The following SLCO5A1 variants were observed in gnomAD, a reference collection of about 807,000 sequenced individuals.
SLCO5A1 encodes the protein organic anion transporter polypeptide-related protein 4.
A neutral mutation model predicts 65.1 loss-of-function variants in SLCO5A1; 39 were observed. The observed-to-expected ratio is 0.60, with a 90% CI of 0.46 to 0.78. The LOEUF is 0.78. Among genes scored for constraint, SLCO5A1 ranks in the 30% least tolerant of loss-of-function variants. SLCO5A1 has a pLI of 0.00. For missense variants in SLCO5A1, 1,029 were observed against 1,069.4 expected (o/e 0.96, Z 0.53); for synonymous variants, 438 against 415.7 (o/e 1.05, Z -0.65).
At chr8:69,758,186 A>T (rs938704925) in intron 3 of SLCO5A1, among the ~76,000 whole-genome samples, 1 of 152,038 alleles carries the variant, frequency 6.6e-6, no homozygotes, top group Non-Finnish European at 1.5e-5. Context: ...TTATTTATTT[A>T]TCTTGATTTT....
At position 69,832,761 on chromosome 8, in the gene SLCO5A1, C is replaced by A; in HGVS notation, c.-88G>T. 6.8e-7 allele frequency: 1 copy of A among 1,460,104 alleles called. No homozygotes were observed. The highest frequency in any genetic ancestry group is 9.1e-7 in the Non-Finnish European group (1 of 1,099,912). The allele number at this position is 1,460,104 out of a possible 1,614,324, so 90.4% of individuals were successfully genotyped here. On this transcript the variant is annotated 5_prime_UTR_variant, in exon 2 of 10. Transcript: ENST00000260126. The surrounding 1 kb of genome is among the most constrained non-coding windows in gnomAD (Gnocchi z 4.5). ...CGGCACGAGGGGCCGAAGCCGGGCC[C>A]AGTCAGTCTTGCCCACCTGGGACTG...
At position 69,742,794 on chromosome 8, in the gene SLCO5A1, C is replaced by CTTTTTTTTTTTT. The variant is rs10633803; in HGVS notation, c.1259-4602_1259-4591dup. Among the ~76,000 whole-genome samples the CTTTTTTTTTTTT allele has an allele frequency of 1.7e-4, 14 of 83,194 alleles. 1 individual carries two copies. The highest frequency in any genetic ancestry group is 6.3e-4 in the African/African-American group (13 of 20,522). 54.6% of individuals were successfully genotyped at this position (83,194 alleles called of 152,430 possible). ...CTGAGATAGGTGGTGTGAGTGGATT[C>CTTTTTTTTTTTT]TTTTTTTTTTTTTTTTTTTTTTTTG... is the stretch of plus-strand genomic sequence containing the variant. On this transcript the variant is annotated intron_variant, in intron 4 of 9. Coordinates refer to ENST00000260126, the MANE Select transcript of SLCO5A1 (RefSeq NM_030958.3).
chr8:69,705,221 T>C lies in SLCO5A1; in HGVS notation c.1432A>G (p.Ile478Val), dbSNP rs1170196216. 1.9e-6 allele frequency: 3 copies of C among 1,613,908 alleles called. No individual in the cohort carries two copies. Among genetic ancestry groups the C allele is most frequent in the African/African-American group, 1.3e-5 (1 of 74,900 alleles). ...SNASIYTGVI[I>V]VPSAGVGIVL... The stretch of plus-strand genomic sequence containing the variant: ...ATACCAACACCAGCACTGGGGACGA[T>C]AATAACCCCTGGGGAGAAGAGAAGG... Residue 478 changes from isoleucine (I) to valine (V), a missense_variant, in exon 6 of 10, where the codon ATC (isoleucine) becomes GTC (valine). Coordinates refer to ENST00000260126, the MANE Select transcript of SLCO5A1 (RefSeq NM_030958.3).
At chr8:69,826,522 A>C (rs1820923507) in intron 2 of SLCO5A1, among the ~76,000 whole-genome samples, 2 of 152,252 alleles carry the variant, frequency 1.3e-5, no homozygotes, top group South Asian at 4.1e-4. Flanking sequence ...CAAAAAACAC[A>C]CGAAAAAATG....
rs1813317277 is a variant in SLCO5A1, at chr8:69,671,111, C to T, written c.*1758G>A. ...CAGGAACCAGAGGGAAGTCCTTAGC[C>T]CCTGAGACCACTAGCTCCACCCCTT... On this transcript the variant is annotated 3_prime_UTR_variant, in exon 10 of 10. Transcript: ENST00000260126. 1 of 152,200 alleles carries T rather than the reference C, an allele frequency of 6.6e-6. No individual in the cohort carries two copies. The highest frequency in any genetic ancestry group is 1.5e-5 in the Non-Finnish European group (1 of 68,120). The allele number at this position is 152,200 out of a possible 1,614,324, so 9.4% of individuals were successfully genotyped here.
chr8:69,784,840 A>G (rs561878336), intron 2 of SLCO5A1, among the ~76,000 whole-genome samples: 5 of 147,802 alleles, frequency 3.4e-5, no homozygotes, highest in Admixed American at 6.9e-5. Context: ...AGAAAGAAAG[A>G]AAGAAAGAAA....
intron 2 of SLCO5A1, among the ~76,000 whole-genome samples, chr8:69,801,187 C>A (rs1338128948): frequency 6.6e-6 from 1 of 152,184 alleles, no homozygotes; most frequent in African/African-American, 2.4e-5. Context: ...ACCCTCAGGT[C>A]CCAGCCACAC....
chr8:69,742,794 CTTTTTTT>C (rs10633803), intron 4 of SLCO5A1, among the ~76,000 whole-genome samples: 2,708 of 83,184 alleles, frequency 0.033, 31 homozygotes, highest in African/African-American at 0.051. Context: ...TGAGTGGATT[CTTTTTTT>C]TTTTTTTTTT....
At chr8:69,786,840 C>T (rs572618078) in intron 2 of SLCO5A1, among the ~76,000 whole-genome samples, 1 of 152,276 alleles carries the variant, frequency 6.6e-6, no homozygotes, top group East Asian at 1.9e-4. Flanking sequence ...ACTTTGACTA[C>T]TTAAACAGCC....
At chr8:69,783,168 T>G (rs2130884407) in intron 2 of SLCO5A1, among the ~76,000 whole-genome samples, 1 of 152,294 alleles carries the variant, frequency 6.6e-6, no homozygotes, top group East Asian at 1.9e-4. Context: ...AAAATTATTA[T>G]TCTGAGACCT....
chr8:69,727,417 G>A (rs1816132098), intron 5 of SLCO5A1, among the ~76,000 whole-genome samples: 1 of 152,196 alleles, frequency 6.6e-6, no homozygotes, highest in Non-Finnish European at 1.5e-5. Context: ...CAGCTTCTCT[G>A]AGTTACAGAT....
At chr8:69,827,569 T>C (rs1331322379) in intron 2 of SLCO5A1, among the ~76,000 whole-genome samples, 4 of 152,224 alleles carry the variant, frequency 2.6e-5, no homozygotes, top group Non-Finnish European at 5.9e-5. Context: ...GCTGCAGATA[T>C]TTGTTTCTGC....
chr8:69,817,803 T>A (rs1277196075), intron 2 of SLCO5A1, among the ~76,000 whole-genome samples: 1 of 152,224 alleles, frequency 6.6e-6, no homozygotes, highest in Admixed American at 6.5e-5. Context: ...AATATAGATC[T>A]TACATTTGTC....
rs764599023 is a variant in SLCO5A1, at chr8:69,673,346, G to A, written c.2090-20C>T. On this transcript the variant is annotated intron_variant, in intron 9 of 9. Transcript: ENST00000260126. ...TGTATGCTAGAGGGGTGGAGAAGAA[G>A]AAAATACGAAGACTTAGCACATCTT... 2 of 1,588,064 alleles carry A rather than the reference G, an allele frequency of 1.3e-6. No homozygotes were observed. Among genetic ancestry groups the A allele is most frequent in the South Asian group, 2.2e-5 (2 of 90,048 alleles).
chr8:69,708,712 T>C (rs1815083414), intron 5 of SLCO5A1, among the ~76,000 whole-genome samples: 1 of 152,146 alleles, frequency 6.6e-6, no homozygotes, highest in Non-Finnish European at 1.5e-5. Flanking sequence ...GAGACCAGCC[T>C]GATCAACATG....
At chr8:69,812,556 A>G (rs957825918) in intron 2 of SLCO5A1, among the ~76,000 whole-genome samples, 2 of 152,242 alleles carry the variant, frequency 1.3e-5, no homozygotes, top group South Asian at 2.1e-4. Flanking sequence ...GTGCCCCACC[A>G]GAATCCACGT....
chr8:69,682,493 T>G (rs1813827116), intron 6 of SLCO5A1, 150 bp from the exon 7 acceptor site: 1 of 656,086 alleles, frequency 1.5e-6, no homozygotes, highest in Non-Finnish European at 2.1e-6. Flanking sequence ...TCCTCAACAA[T>G]TATTTTGTGA....
At chr8:69,790,059 G>A (rs1394098236) in intron 2 of SLCO5A1, among the ~76,000 whole-genome samples, 1 of 151,982 alleles carries the variant, frequency 6.6e-6, no homozygotes, top group Non-Finnish European at 1.5e-5. Context: ...TGGGCATGGT[G>A]GTGGATGCCT....
intron 2 of SLCO5A1, among the ~76,000 whole-genome samples, chr8:69,812,786 A>C (rs997541764): frequency 2.6e-5 from 4 of 152,230 alleles, no homozygotes; most frequent in Non-Finnish European, 4.4e-5. Context: ...AACAATAACA[A>C]AATAACTGGA....
Sources: allele counts gnomAD v4.1 joint callset (sites outside exome capture counted in the v4.1 genomes callset), GRCh38; gene constraint gnomAD v4.1.1; non-coding constraint Gnocchi (gnomAD v3.1); transcripts MANE v1.5; gene names NCBI Gene and HGNC (gene_info 2026-07-23, HGNC 2026-07-21).